The following PTPRT variants were observed in gnomAD, a reference collection of about 807,000 sequenced individuals.
PTPRT encodes protein tyrosine phosphatase receptor type T, also known as receptor-type tyrosine-protein phosphatase T.
A neutral mutation model predicts 176.8 loss-of-function variants in PTPRT; 56 were observed. The ratio of observed to expected loss-of-function variants is 0.32; its 90% confidence interval spans 0.26 to 0.40. The LOEUF (loss-of-function observed/expected upper bound fraction) is 0.40. Ranked by LOEUF, PTPRT falls within the 10% of genes least tolerant of loss-of-function variation. The pLI is 1.00. For missense variants in PTPRT, 1,540 were observed against 1,908.2 expected, an observed-to-expected ratio of 0.81 and a Z score of 3.60; for synonymous variants, 783 against 739.0, an observed-to-expected ratio of 1.06 and a Z score of -0.96.
intron 6 of PTPRT, among the ~76,000 whole-genome samples, chr20:42,678,636 C>T (rs2075550188): frequency 6.6e-6 from 1 of 152,188 alleles, no homozygotes; most frequent in South Asian, 2.1e-4. Context: ...TCATGCCCTA[C>T]TTTAAGGGTT....
chr20:42,675,534 A>G (rs918232964), intron 7 of PTPRT, among the ~76,000 whole-genome samples: 6 of 152,238 alleles, frequency 3.9e-5, no homozygotes, highest in African/African-American at 1.4e-4. Flanking sequence ...TGTCATCACC[A>G]TAATTCCTGA....
In PTPRT at chr20:42,480,126, T is replaced by C. The variant is rs150190777; in HGVS notation, c.1154-7564A>G. On this transcript the variant is annotated intron_variant, in intron 7 of 30. Coordinates refer to ENST00000373187, the MANE Select transcript of PTPRT (RefSeq NM_007050.6). ...CTACTCACTGAGCATGGAGGCATCA[T>C]GACATGGGGAAAAGAACATTGGTTC... 2.1e-3 allele frequency among the ~76,000 whole-genome samples: 319 copies of C among 152,312 alleles called. 1 individual carries two copies. The highest frequency in any genetic ancestry group is 7.2e-3 in the African/African-American group (299 of 41,568).
chr20:42,458,208 G>A (rs1331504496), intron 8 of PTPRT, among the ~76,000 whole-genome samples: 2 of 152,124 alleles, frequency 1.3e-5, no homozygotes, highest in African/African-American at 2.4e-5. Flanking sequence ...CAGATACAAA[G>A]GTGTTTTTCT....
At chr20:42,152,069 G>A (rs751210478) in intron 17 of PTPRT, among the ~76,000 whole-genome samples, 8 of 152,238 alleles carry the variant, frequency 5.3e-5, no homozygotes, top group Non-Finnish European at 1.0e-4. Flanking sequence ...CACAATCGAA[G>A]AGCATTGCAT....
At chr20:42,631,668 C>G (rs1288467569) in intron 7 of PTPRT, among the ~76,000 whole-genome samples, 1 of 152,134 alleles carries the variant, frequency 6.6e-6, no homozygotes, top group African/African-American at 2.4e-5. Context: ...TCTTGATTCT[C>G]TGAGTCAGTG....
intron 2 of PTPRT, among the ~76,000 whole-genome samples, chr20:42,797,550 CAAA>C: frequency 2.0e-5 from 3 of 151,770 alleles, no homozygotes; most frequent in Non-Finnish European, 2.9e-5. Flanking sequence ...CCCTCCCCCG[CAAA>C]CACAGTCCTC....
chr20:42,186,726 A>G lies in PTPRT; in HGVS notation c.2491+12514T>C, dbSNP rs115036530. Among the ~76,000 whole-genome samples the G allele has an allele frequency of 4.4e-3, 667 of 152,236 alleles. 4 individuals carry two copies. Among genetic ancestry groups the G allele is most frequent in the African/African-American group, 0.015 (633 of 41,540 alleles). On this transcript the variant is annotated intron_variant, in intron 16 of 30. Transcript: ENST00000373187. ...CCTTGAAAAGGTCTCCCTGGCTCCT[A>G]TGAAAAAATAGACTACAGAATGACA... is the stretch of plus-strand genomic sequence containing the variant.
intron 15 of PTPRT, among the ~76,000 whole-genome samples, chr20:42,230,486 C>T (rs1367291596): frequency 2.0e-5 from 3 of 152,184 alleles, no homozygotes; most frequent in East Asian, 3.9e-4. Context: ...AAACACTGAA[C>T]AACTGAAGTT....
chr20:43,068,366 A>G (rs1260224345), intron 1 of PTPRT, among the ~76,000 whole-genome samples: 4 of 151,326 alleles, frequency 2.6e-5, no homozygotes, highest in South Asian at 2.1e-4. Flanking sequence ...TTAGCCGGGC[A>G]TGGTGGCGGG....
intron 11 of PTPRT, among the ~76,000 whole-genome samples, chr20:42,345,260 C>T (rs1383857182): frequency 6.6e-6 from 1 of 151,648 alleles, no homozygotes; most frequent in African/African-American, 2.4e-5. Flanking sequence ...CATATGTGTT[C>T]AGTGGCAGTC....
Position 42,110,425 on chromosome 20 carries a change from G to C in PTPRT, c.3162C>G (p.Gly1054=), listed in dbSNP as rs368505010. The change falls in exon 23 of 31, where the codon GGC becomes GGG. Residue 1054 remains glycine, a synonymous_variant. Coordinates refer to ENST00000373187, the MANE Select transcript of PTPRT (RefSeq NM_007050.6). Reference sequence around the variant, plus strand: ...GAAGGCCAGTGGCATAGCAGGGAACGCCGTGGTCAGGCCAGCTGGTGAAGT... The same window carrying C: ...GAAGGCCAGTGGCATAGCAGGGAACCCCGTGGTCAGGCCAGCTGGTGAAGT... The part of the protein sequence containing the change: ...LFHFTSWPDH[G]VPCYATGLLG... 1.9e-6 allele frequency: 3 copies of C among 1,612,946 alleles called. No homozygotes were observed. The East Asian group carries it at 6.7e-5, about 36-fold the overall frequency.
At chr20:42,789,591 A>G (rs1476716998) in intron 3 of PTPRT, among the ~76,000 whole-genome samples, 1 of 152,202 alleles carries the variant, frequency 6.6e-6, no homozygotes. Flanking sequence ...AACATGATAA[A>G]CACCCAATGA....
At chr20:42,122,564 C>T (rs1987643415) in intron 19 of PTPRT, among the ~76,000 whole-genome samples, 1 of 152,150 alleles carries the variant, frequency 6.6e-6, no homozygotes, top group South Asian at 2.1e-4. Context: ...CCCCTAGATC[C>T]TGGAAAGATG....
At chr20:43,122,708 T>C (rs2013308491) in intron 1 of PTPRT, among the ~76,000 whole-genome samples, 1 of 152,200 alleles carries the variant, frequency 6.6e-6, no homozygotes, top group Non-Finnish European at 1.5e-5. Context: ...CCCATTCACC[T>C]TCCAACATGA....
intron 1 of PTPRT, among the ~76,000 whole-genome samples, chr20:43,079,660 T>C (rs1206582568): frequency 6.6e-6 from 1 of 152,200 alleles, no homozygotes; most frequent in Non-Finnish European, 1.5e-5. Context: ...TCTTCTATTA[T>C]ATATTCTTAA....
chr20:42,966,966 T>C (rs998358547), intron 1 of PTPRT, among the ~76,000 whole-genome samples: 3 of 152,258 alleles, frequency 2.0e-5, no homozygotes, highest in African/African-American at 7.2e-5. Flanking sequence ...CCATTTGTTG[T>C]GCTTTTACAA....
intron 7 of PTPRT, among the ~76,000 whole-genome samples, chr20:42,538,040 C>T (rs1396184423): frequency 6.6e-6 from 1 of 151,766 alleles, no homozygotes; most frequent in African/African-American, 2.4e-5. Flanking sequence ...TAACAGATGA[C>T]ACATTTAATT....
At chr20:43,160,396 T>C (rs1410857900) in intron 1 of PTPRT, among the ~76,000 whole-genome samples, 1 of 152,210 alleles carries the variant, frequency 6.6e-6, no homozygotes, top group African/African-American at 2.4e-5. Context: ...GGCATCTTGC[T>C]GCATCCAAAG....
chr20:42,822,008 C>T (rs560773769), intron 2 of PTPRT, among the ~76,000 whole-genome samples: 2 of 152,312 alleles, frequency 1.3e-5, no homozygotes, highest in African/African-American at 4.8e-5. Flanking sequence ...AGATTCAACA[C>T]TGCTCCCATC....
Sources: allele counts gnomAD v4.1 joint callset (sites outside exome capture counted in the v4.1 genomes callset), GRCh38; gene constraint gnomAD v4.1.1; transcripts MANE v1.5; gene names NCBI Gene and HGNC (gene_info 2026-07-23, HGNC 2026-07-21).